SUGCT: variants seen among roughly 807,000 people sequenced by gnomAD.
The protein encoded by SUGCT is succinyl-CoA:glutarate CoA-transferase.
Under a neutral mutation model 55.0 loss-of-function variants are expected in SUGCT, and 41 were observed. The observed-to-expected ratio is 0.74, with a 90% CI of 0.58 to 0.97. The LOEUF (loss-of-function observed/expected upper bound fraction) is 0.97, where lower values mean the gene tolerates loss of function less well. Among genes scored for constraint, SUGCT ranks in the 50% least tolerant of loss-of-function variants. The pLI is 0.00. For missense variants in SUGCT, 568 were observed against 547.8 expected (o/e 1.04, Z -0.37); for synonymous variants, 187 against 200.4 (o/e 0.93, Z 0.56).
chr7:40,263,405 A>C (rs1469447296), intron 7 of SUGCT, among the ~76,000 whole-genome samples: 1 of 152,240 alleles, frequency 6.6e-6, no homozygotes, highest in Admixed American at 6.5e-5. Flanking sequence ...CAAAATATTT[A>C]ATCTGAACCT....
chr7:40,903,644 C>A, the SUGCT span, among the ~76,000 whole-genome samples: 1 of 152,288 alleles, frequency 6.6e-6, no homozygotes, highest in Admixed American at 6.5e-5. Flanking sequence ...ATAAACCCCC[C>A]TCTAGCAATC....
intron 7 of SUGCT, among the ~76,000 whole-genome samples, chr7:40,249,317 A>ATATCTATATATCTATATATATC (rs1562611996): frequency 2.3e-4 from 5 of 21,528 alleles, no homozygotes; most frequent in Non-Finnish European, 5.7e-4. Context: ...AAAAAGCTAT[A>ATATCTATATATCTATATATATC]TATATATATA....
chr7:40,592,969 T>A (rs1240233905), intron 12 of SUGCT, among the ~76,000 whole-genome samples: 1 of 152,158 alleles, frequency 6.6e-6, no homozygotes, highest in Non-Finnish European at 1.5e-5. Context: ...TGAAATATCC[T>A]GTTTAGAATT....
chr7:40,890,288 A>G, the SUGCT span, among the ~76,000 whole-genome samples: 26 of 140,804 alleles, frequency 1.8e-4, no homozygotes, highest in Admixed American at 8.1e-4. Flanking sequence ...AAATATTTAT[A>G]TTATATAATA....
intron 13 of SUGCT, among the ~76,000 whole-genome samples, chr7:40,857,445 G>T (rs1258797108): frequency 1.3e-5 from 2 of 152,164 alleles, no homozygotes; most frequent in Non-Finnish European, 2.9e-5. Context: ...TGAAAAAGTT[G>T]CCAGGTAATA....
At chr7:40,289,977 T>C (rs956375507) in intron 8 of SUGCT, among the ~76,000 whole-genome samples, 3 of 152,126 alleles carry the variant, frequency 2.0e-5, no homozygotes, top group African/African-American at 7.2e-5. Flanking sequence ...CAAGGAGAAC[T>C]ACAAACCACT....
chr7:40,546,375 A>C lies in SUGCT; in HGVS notation c.1089+49989A>C, dbSNP rs1794991432. Among the ~76,000 whole-genome samples, 4 of 152,346 alleles carry C rather than the reference A, an allele frequency of 2.6e-5. No homozygotes were observed. In the South Asian group the frequency reaches 8.3e-4, roughly 32 times the overall value. On this transcript the variant is annotated intron_variant, in intron 12 of 13. Transcript: ENST00000335693. ...AATTAGATTAAGACAGGCCTATTTC[A>C]AAGTAATGTGCCCATTTTTTCATTA...
intron 12 of SUGCT, among the ~76,000 whole-genome samples, chr7:40,675,733 A>G (rs140447796): frequency 6.6e-6 from 1 of 152,338 alleles, no homozygotes; most frequent in East Asian, 1.9e-4. Context: ...GAGACATCCA[A>G]TATGGATCAA....
chr7:40,277,048 A>T (rs1228396137), intron 8 of SUGCT, among the ~76,000 whole-genome samples: 1 of 152,206 alleles, frequency 6.6e-6, no homozygotes, highest in East Asian at 1.9e-4. Context: ...ATGTGAAAAG[A>T]TAGTAAATCA....
chr7:40,760,328 A>G (rs1439738180), intron 13 of SUGCT, among the ~76,000 whole-genome samples: 1 of 152,212 alleles, frequency 6.6e-6, no homozygotes, highest in African/African-American at 2.4e-5. Context: ...TATGGCCAGA[A>G]AAGTTTAAAA....
the SUGCT span, among the ~76,000 whole-genome samples, chr7:40,998,932 C>T: frequency 6.6e-6 from 1 of 152,180 alleles, no homozygotes; most frequent in Non-Finnish European, 1.5e-5. Flanking sequence ...AAAGAAAACA[C>T]TGCAAAGGGA....
chr7:40,461,059 C>A (rs1789770341), intron 11 of SUGCT, among the ~76,000 whole-genome samples: 2 of 152,128 alleles, frequency 1.3e-5, no homozygotes, highest in South Asian at 4.1e-4. Context: ...TTGGTACCTT[C>A]TTATGAGTTG....
At chr7:40,499,204 A>C in intron 12 of SUGCT, 1 of 440,890 alleles carries the variant, frequency 2.3e-6, no homozygotes, top group Non-Finnish European at 4.6e-6. Flanking sequence ...GGCCTGGAAC[A>C]TGGCGTAGGA....
intron 8 of SUGCT, among the ~76,000 whole-genome samples, chr7:40,293,421 T>C (rs1793916084): frequency 6.6e-6 from 1 of 152,200 alleles, no homozygotes; most frequent in African/African-American, 2.4e-5. Context: ...TTAACTGGTA[T>C]AGGGCATGGT....
chr7:40,955,369 C>T, the SUGCT span, among the ~76,000 whole-genome samples: 1 of 151,992 alleles, frequency 6.6e-6, no homozygotes, highest in African/African-American at 2.4e-5. Context: ...AGTTGTATTC[C>T]TAGGTATTTT....
At chr7:40,153,870 A>C (rs755774654) in intron 1 of SUGCT, 2 of 367,738 alleles carry the variant, frequency 5.4e-6, no homozygotes, top group Non-Finnish European at 1.1e-5. Context: ...CAGATTTGCC[A>C]TTTGGAAAAA....
chr7:40,438,608 T>C (rs1477526423), intron 9 of SUGCT, among the ~76,000 whole-genome samples: 2 of 152,136 alleles, frequency 1.3e-5, no homozygotes, highest in Non-Finnish European at 2.9e-5. Context: ...GACCTTGTCC[T>C]TTAAAAATTC....
intron 13 of SUGCT, among the ~76,000 whole-genome samples, chr7:40,823,868 C>T (rs1792161421): frequency 6.6e-6 from 1 of 152,120 alleles, no homozygotes. Context: ...CCTACTGCCT[C>T]TTGACAGAGT....
intron 13 of SUGCT, among the ~76,000 whole-genome samples, chr7:40,760,675 A>C (rs1391592517): frequency 6.6e-6 from 1 of 152,192 alleles, no homozygotes; most frequent in Non-Finnish European, 1.5e-5. Context: ...TTTCATGTGT[A>C]CATGTAGAAT....
Sources: gnomAD v4.1 joint callset for allele counts (sites outside exome capture counted in the v4.1 genomes callset) on GRCh38, gnomAD v4.1.1 for gene constraint, MANE v1.5 for transcripts, NCBI Gene and HGNC (gene_info 2026-07-23, HGNC 2026-07-21) for gene names.